Variants in THADA observed in about 807,000 individuals in gnomAD.
The protein encoded by THADA is tRNA (32-2'-O)-methyltransferase regulator THADA.
Under a neutral mutation model 219.8 loss-of-function variants are expected in THADA, and 213 were observed. The observed-to-expected ratio is 0.97, with a 90% CI of 0.87 to 1.09. THADA has a LOEUF of 1.09. Ranked by LOEUF, THADA falls within the 50% of genes least tolerant of loss-of-function variation. The pLI is 0.00. For synonymous variants in THADA, 1,018 were observed against 828.9 expected (o/e 1.23, Z -3.92); for missense variants, 2,956 against 2,311.3 (o/e 1.28, Z -5.72).
chr2:43,406,122 C>A (rs1675499845), intron 28 of THADA, among the ~76,000 whole-genome samples: 1 of 152,192 alleles, frequency 6.6e-6, no homozygotes, highest in African/African-American at 2.4e-5. Context: ...CTTGCCCCTG[C>A]AAGAAATAGG....
intron 30 of THADA, among the ~76,000 whole-genome samples, chr2:43,334,876 C>T (rs1666228783): frequency 6.6e-6 from 1 of 152,204 alleles, no homozygotes; most frequent in African/African-American, 2.4e-5. Context: ...CATAGAGAGC[C>T]CTGGGGCCAT....
chr2:43,418,614 T>A (rs746502849), intron 28 of THADA, among the ~76,000 whole-genome samples: 1 of 152,094 alleles, frequency 6.6e-6, no homozygotes, highest in Non-Finnish European at 1.5e-5. Flanking sequence ...AGCTGTCCAA[T>A]AGAAAGTTGA....
chr2:43,536,713 T>TA (rs1011445461), intron 21 of THADA, among the ~76,000 whole-genome samples: 1 of 151,844 alleles, frequency 6.6e-6, no homozygotes, highest in Admixed American at 6.6e-5. Flanking sequence ...TAAAACCCAT[T>TA]AAAAAAAATA....
chr2:43,449,398 G>C (rs892392086), intron 26 of THADA, among the ~76,000 whole-genome samples: 1 of 152,036 alleles, frequency 6.6e-6, no homozygotes, highest in Non-Finnish European at 1.5e-5. Flanking sequence ...GAGGTAAAGA[G>C]ATTATCTAAA....
At chr2:43,275,060 T>C (rs957977432) in intron 36 of THADA, among the ~76,000 whole-genome samples, 4 of 149,922 alleles carry the variant, frequency 2.7e-5, no homozygotes, top group African/African-American at 9.9e-5. Flanking sequence ...AGTGGTGTGA[T>C]CTTGGCTCAC....
intron 29 of THADA, among the ~76,000 whole-genome samples, chr2:43,368,560 C>T (rs1321769873): frequency 6.6e-6 from 1 of 151,788 alleles, no homozygotes; most frequent in Admixed American, 6.6e-5. Context: ...GCCACCATGT[C>T]CGGCTATTTT....
At chr2:43,413,631 T>A (rs1344650399) in intron 28 of THADA, among the ~76,000 whole-genome samples, 1 of 152,186 alleles carries the variant, frequency 6.6e-6, no homozygotes, top group East Asian at 1.9e-4. Context: ...TTCTTTTGGT[T>A]CATTTGTAGA....
At chr2:43,318,465 G>A (rs1451935343) in intron 31 of THADA, among the ~76,000 whole-genome samples, 1 of 152,098 alleles carries the variant, frequency 6.6e-6, no homozygotes, top group Non-Finnish European at 1.5e-5. Context: ...AAATTATTGA[G>A]GAATTTTATT....
At chr2:43,286,461 C>A (rs565427559) in intron 35 of THADA, among the ~76,000 whole-genome samples, 2 of 152,114 alleles carry the variant, frequency 1.3e-5, no homozygotes, top group Non-Finnish European at 2.9e-5. Flanking sequence ...TGTTGGTGGT[C>A]TGGGAGTGGT....
chr2:43,304,879 C>G (rs1367723395), intron 31 of THADA, among the ~76,000 whole-genome samples: 6 of 152,110 alleles, frequency 3.9e-5, no homozygotes, highest in Admixed American at 3.9e-4. Context: ...GCCATGTTGG[C>G]CAGGCTGGTC....
chr2:43,356,654 C>A (rs1028011485), intron 29 of THADA, among the ~76,000 whole-genome samples: 4 of 152,048 alleles, frequency 2.6e-5, no homozygotes, highest in African/African-American at 9.7e-5. Context: ...TTCAGGGTGC[C>A]CTAAGGCCAA....
intron 30 of THADA, among the ~76,000 whole-genome samples, chr2:43,340,978 T>C (rs552550031): frequency 6.6e-6 from 1 of 152,320 alleles, no homozygotes; most frequent in Non-Finnish European, 1.5e-5. Flanking sequence ...TTCTATAATT[T>C]GCTATTTAGG....
At chr2:43,320,920 A>G (rs1355516378) in intron 30 of THADA, among the ~76,000 whole-genome samples, 1 of 152,230 alleles carries the variant, frequency 6.6e-6, no homozygotes, top group Non-Finnish European at 1.5e-5. Context: ...TTTGGGGGAA[A>G]AAAAATCAGT....
chr2:43,512,377 C>A (rs532161343), intron 22 of THADA, among the ~76,000 whole-genome samples: 1 of 152,228 alleles, frequency 6.6e-6, no homozygotes, highest in African/African-American at 2.4e-5. Flanking sequence ...CCAGGCAAGT[C>A]CTGACCTCAA....
chr2:43,382,763 T>C (rs1384245169), intron 29 of THADA, among the ~76,000 whole-genome samples: 1 of 152,172 alleles, frequency 6.6e-6, no homozygotes, highest in Non-Finnish European at 1.5e-5. Context: ...ATAGGAGCTT[T>C]TGACACACTG....
intron 36 of THADA, among the ~76,000 whole-genome samples, chr2:43,277,801 G>A (rs778088885): frequency 7.2e-5 from 11 of 152,198 alleles, no homozygotes; most frequent in Non-Finnish European, 1.6e-4. Context: ...GTACTTTTAA[G>A]GTAGTCAAGA....
At chr2:43,232,104 A>T (rs1302834847) in intron 37 of THADA, among the ~76,000 whole-genome samples, 4 of 152,230 alleles carry the variant, frequency 2.6e-5, no homozygotes, top group Admixed American at 2.0e-4. Context: ...GCCCCAGGCT[A>T]ACTCCAATAC....
chr2:43,532,140 G>A (rs1005150941), intron 21 of THADA, among the ~76,000 whole-genome samples: 5 of 151,870 alleles, frequency 3.3e-5, no homozygotes, highest in South Asian at 4.2e-4. Context: ...GGCCAGGCAC[G>A]GTGGCTCATG....
intron 20 of THADA, 56 bp from the exon 21 acceptor site, chr2:43,541,372 CTAAAAACAA>C: frequency 6.3e-7 from 1 of 1,591,980 alleles, no homozygotes; most frequent in Non-Finnish European, 8.6e-7. Flanking sequence ...TCCCAGGTTT[CTAAAAACAA>C]GCTTATTCAT....
Sources: allele counts gnomAD v4.1 joint callset (sites outside exome capture counted in the v4.1 genomes callset), GRCh38; gene constraint gnomAD v4.1.1; transcripts MANE v1.5; gene names NCBI Gene and HGNC (gene_info 2026-07-23, HGNC 2026-07-21).